CFAP54: variants seen among roughly 807,000 people sequenced by gnomAD.
The protein encoded by CFAP54 is cilia and flagella associated protein 54.
CFAP54 carries 290 observed loss-of-function variants against 370.4 expected under a neutral mutation model. That is an observed-to-expected ratio of 0.78 (90% CI 0.71 to 0.86). The LOEUF (loss-of-function observed/expected upper bound fraction) is 0.86. CFAP54 is among the 40% of genes least tolerant of loss of function. The pLI, the probability that CFAP54 is intolerant of heterozygous loss-of-function variation, is 0.00. For synonymous variants in CFAP54, 1,206 were observed against 1,236.5 expected (o/e 0.98, Z 0.52); for missense variants, 3,399 against 3,528.7 (o/e 0.96, Z 0.93).
At chr12:96,752,619 G>T (rs1416649758) in intron 55 of CFAP54, among the ~76,000 whole-genome samples, 1 of 152,144 alleles carries the variant, frequency 6.6e-6, no homozygotes, top group East Asian at 1.9e-4. Context: ...AAGAGAAGGT[G>T]TTCATCTGCT....
At chr12:96,658,725 T>A (rs185873408) in intron 38 of CFAP54, among the ~76,000 whole-genome samples, 1 of 151,686 alleles carries the variant, frequency 6.6e-6, no homozygotes, top group Non-Finnish European at 1.5e-5. Context: ...TCTTCCTTAG[T>A]GTGTTAATTC....
chr12:96,657,584 C>T lies in CFAP54; in HGVS notation c.5101-298C>T, dbSNP rs115089153. On this transcript the variant is annotated intron_variant, in intron 36 of 67. Transcript: ENST00000524981. ...TAAACTTGAATGAATTAAAATTAAACGAAATTAAAAATTCAGTTGCACTAA... is the reference window on the plus strand; with the variant it reads ...TAAACTTGAATGAATTAAAATTAAATGAAATTAAAAATTCAGTTGCACTAA... Among the ~76,000 whole-genome samples the T allele has an allele frequency of 7.4e-3, 1,120 of 152,166 alleles. 8 individuals are homozygous for T. The highest frequency in any genetic ancestry group is 0.024 in the African/African-American group (999 of 41,516).
chr12:96,726,606 T>C (rs1957841441), intron 50 of CFAP54, among the ~76,000 whole-genome samples: 1 of 152,046 alleles, frequency 6.6e-6, no homozygotes, highest in Non-Finnish European at 1.5e-5. Flanking sequence ...ATCAATTTTG[T>C]TGATCCTTTC....
chr12:96,649,356 T>C (rs1420571601), intron 34 of CFAP54, among the ~76,000 whole-genome samples: 1 of 152,184 alleles, frequency 6.6e-6, no homozygotes, highest in East Asian at 1.9e-4. Context: ...ACCTAAGACC[T>C]ACCATGAAAT....
chr12:96,580,332 A>C (rs1480272774), intron 20 of CFAP54, among the ~76,000 whole-genome samples: 1 of 152,092 alleles, frequency 6.6e-6, no homozygotes, highest in Non-Finnish European at 1.5e-5. Flanking sequence ...ATATCTGTAA[A>C]TTTCCTAACA....
At chr12:96,585,630 T>A (rs776460194) in intron 22 of CFAP54, among the ~76,000 whole-genome samples, 4 of 152,276 alleles carry the variant, frequency 2.6e-5, no homozygotes, top group South Asian at 2.1e-4. Flanking sequence ...CTGCAACTTG[T>A]TTTTAAACCT....
intron 1 of CFAP54, among the ~76,000 whole-genome samples, chr12:96,491,519 C>T (rs1240506361): frequency 6.6e-6 from 1 of 151,920 alleles, no homozygotes; most frequent in East Asian, 1.9e-4. Context: ...GGGAAGAGTC[C>T]AAGGATTGAG....
chr12:96,700,457 T>C (rs1957480200), intron 46 of CFAP54, among the ~76,000 whole-genome samples: 3 of 152,226 alleles, frequency 2.0e-5, no homozygotes, highest in African/African-American at 7.2e-5. Context: ...ATCAAAATAG[T>C]CTTTCCTTAT....
At chr12:96,682,228 C>A (rs773295073) in intron 40 of CFAP54, 10 of 985,398 alleles carry the variant, frequency 1.0e-5, no homozygotes, top group Non-Finnish European at 1.2e-5. Context: ...TATGTCAATA[C>A]CCCCTGACCT....
rs1364450882 is a variant in CFAP54, at chr12:96,658,209, A to G, written c.5325-2A>G. On this transcript the variant is annotated splice_acceptor_variant, in intron 37 of 67. Coordinates refer to ENST00000524981, the MANE Select transcript of CFAP54 (RefSeq NM_001306084.2). LOFTEE classifies it high-confidence loss of function. ...TTTAATGTATTCTTTACCCCTGTCT[A>G]GTGAGAGGTATACAGAACAAGTGAC... The G allele has an allele frequency of 1.9e-6, 3 of 1,612,526 alleles. No homozygotes were observed. In the South Asian group the frequency reaches 3.3e-5, roughly 18 times the overall value.
chr12:96,503,124 C>T lies in CFAP54; in HGVS notation c.424-762C>T, dbSNP rs114011958. ...TCTCTCTCCTTCCTTCCTTCTTTCT[C>T]GCTTTCTCTCTCTCCTCTTTCTTTC... On this transcript the variant is annotated intron_variant, in intron 2 of 67. Coordinates refer to ENST00000524981, the MANE Select transcript of CFAP54 (RefSeq NM_001306084.2). Among the ~76,000 whole-genome samples the T allele has an allele frequency of 4.4e-3, 640 of 144,158 alleles. 6 individuals carry two copies. The highest frequency in any genetic ancestry group is 0.015 in the African/African-American group (589 of 38,882). 94.6% of individuals were successfully genotyped at this position (144,158 alleles called of 152,430 possible). A position where few individuals can be genotyped will look rare whatever the true frequency, so the allele number is the denominator to read the frequency against.
In CFAP54 at chr12:96,533,886, T is replaced by C; in HGVS notation, c.1452T>C (p.Ala484=). Reference sequence around the variant, plus strand: ...GAAAAGATGTTATTTCTGTGGATGCTGCTGTGAAATTTATAAAATTAGCTT... The same window carrying C: ...GAAAAGATGTTATTTCTGTGGATGCCGCTGTGAAATTTATAAAATTAGCTT... ...IGRKDVISVD[A]AVKFIKLAFT... The change falls in exon 10 of 68, where the codon GCT becomes GCC. Residue 484 remains alanine (A), a synonymous_variant. Coordinates refer to ENST00000524981, the MANE Select transcript of CFAP54 (RefSeq NM_001306084.2). The C allele has an allele frequency of 6.5e-7, 1 of 1,535,220 alleles. No individual in the cohort carries two copies. Among genetic ancestry groups the C allele is most frequent in the Non-Finnish European group, 8.7e-7 (1 of 1,146,306 alleles).
chr12:96,695,796 T>C (rs1012901278), intron 45 of CFAP54, among the ~76,000 whole-genome samples: 1 of 152,228 alleles, frequency 6.6e-6, no homozygotes, highest in Non-Finnish European at 1.5e-5. Context: ...ACTTGGTAGA[T>C]ATTTATTGAT....
chr12:96,671,881 C>T (rs908286348), intron 39 of CFAP54, among the ~76,000 whole-genome samples: 1 of 151,318 alleles, frequency 6.6e-6, no homozygotes, highest in Non-Finnish European at 1.5e-5. Context: ...AAGATCGTGC[C>T]ATTGCACTCC....
chr12:96,615,771 A>T (rs1481728843), intron 26 of CFAP54, among the ~76,000 whole-genome samples: 16 of 152,228 alleles, frequency 1.1e-4, no homozygotes, highest in Admixed American at 1.0e-3. Context: ...AATGCTCATC[A>T]TCACTGGCCA....
At chr12:96,813,316 A>G (rs2136729465) in intron 64 of CFAP54, among the ~76,000 whole-genome samples, 1 of 152,274 alleles carries the variant, frequency 6.6e-6, no homozygotes, top group East Asian at 1.9e-4. Flanking sequence ...GCACTGTGAA[A>G]ATAAACTATT....
chr12:96,804,228 C>T (rs1026982667), intron 63 of CFAP54, among the ~76,000 whole-genome samples: 1 of 152,044 alleles, frequency 6.6e-6, no homozygotes, highest in African/African-American at 2.4e-5. Flanking sequence ...AAAGCTGGAA[C>T]AAGGAAAGGA....
At chr12:96,598,613 A>G in intron 25 of CFAP54, 32 bp from the exon 26 acceptor site, 1 of 587,266 alleles carries the variant, frequency 1.7e-6, no homozygotes. Flanking sequence ...ATGACATTTT[A>G]AAACAAAAAT....
intron 50 of CFAP54, among the ~76,000 whole-genome samples, chr12:96,732,513 T>C (rs753893681): frequency 9.9e-5 from 15 of 152,202 alleles, no homozygotes; most frequent in Non-Finnish European, 2.1e-4. Context: ...AAAATATAGT[T>C]GTTTGCATAA....
Sources: allele counts gnomAD v4.1 joint callset (sites outside exome capture counted in the v4.1 genomes callset), GRCh38; gene constraint gnomAD v4.1.1; transcripts MANE v1.5; gene names NCBI Gene and HGNC (gene_info 2026-07-23, HGNC 2026-07-21).